Variants in MRPS28 observed in about 807,000 individuals in gnomAD.
MRPS28 encodes mitochondrial ribosomal protein S28.
In MRPS28, 7 loss-of-function variants were observed where a neutral mutation model predicts 10.8. The ratio of observed to expected loss-of-function variants is 0.65; its 90% confidence interval spans 0.37 to 1.22. MRPS28 has a LOEUF of 1.22. MRPS28 is among the 50% of genes most tolerant of loss of function. MRPS28 has a pLI of 0.02. For missense variants in MRPS28, 265 were observed against 232.9 expected (o/e 1.14, Z -0.90); for synonymous variants, 121 against 93.3 (o/e 1.30, Z -1.71).
At chr8:79,954,786 A>G (rs1490945686) in intron 2 of MRPS28, among the ~76,000 whole-genome samples, 1 of 152,148 alleles carries the variant, frequency 6.6e-6, no homozygotes, top group African/African-American at 2.4e-5. Flanking sequence ...TGTTGAAATA[A>G]ACCCTTCTCC....
At chr8:80,027,573 T>G (rs1809524011) in intron 1 of MRPS28, among the ~76,000 whole-genome samples, 1 of 152,212 alleles carries the variant, frequency 6.6e-6, no homozygotes, top group African/African-American at 2.4e-5. Flanking sequence ...TAAGTCTGAT[T>G]ATAGAGCCCA....
intron 2 of MRPS28, among the ~76,000 whole-genome samples, chr8:79,985,206 A>G (rs1357640839): frequency 6.6e-6 from 1 of 152,220 alleles, no homozygotes; most frequent in Non-Finnish European, 1.5e-5. Context: ...AGGCAGAAAT[A>G]AAGATGTTCT....
rs1368017323 is a variant in MRPS28 at position 79,934,904 on chromosome 8, T to C, written c.396-15756A>G. On this transcript the variant is annotated intron_variant, in intron 2 of 2. Coordinates refer to ENST00000276585, the MANE Select transcript of MRPS28 (RefSeq NM_014018.3). ...GTTCCATTTGAAAAGTGGTTACAGTTTTAACTTTACAGTCACAAACTCTTT... is the reference window on the plus strand; with the variant it reads ...GTTCCATTTGAAAAGTGGTTACAGTCTTAACTTTACAGTCACAAACTCTTT... Among the ~76,000 whole-genome samples the C allele has an allele frequency of 3.3e-5, 5 of 152,230 alleles. No individual in the cohort carries two copies. In the East Asian group the frequency reaches 9.6e-4, roughly 29 times the overall value.
At chr8:79,979,692 G>A (rs1175038433) in intron 2 of MRPS28, among the ~76,000 whole-genome samples, 1 of 151,346 alleles carries the variant, frequency 6.6e-6, no homozygotes, top group African/African-American at 2.4e-5. Flanking sequence ...CTCATCCCAG[G>A]TCTGCTTTTT....
chr8:79,928,787 C>T (rs946878084), intron 2 of MRPS28, among the ~76,000 whole-genome samples: 5 of 75,110 alleles, frequency 6.7e-5, no homozygotes, highest in Non-Finnish European at 1.3e-4. Context: ...TGGCTCACGC[C>T]TGTAATCCCA....
chr8:79,987,732 A>T (rs1808231723), intron 2 of MRPS28, among the ~76,000 whole-genome samples: 1 of 152,238 alleles, frequency 6.6e-6, no homozygotes, highest in African/African-American at 2.4e-5. Context: ...ATGAGATACC[A>T]TCTCACACGA....
At chr8:79,945,470 A>C (rs1806889071) in intron 2 of MRPS28, among the ~76,000 whole-genome samples, 1 of 152,208 alleles carries the variant, frequency 6.6e-6, no homozygotes, top group Non-Finnish European at 1.5e-5. Context: ...CAGAAGAAAG[A>C]GATTAGACCC....
At chr8:80,026,357 CTTAAAA>C (rs1400984975) in intron 1 of MRPS28, among the ~76,000 whole-genome samples, 7 of 152,198 alleles carry the variant, frequency 4.6e-5, no homozygotes, top group Non-Finnish European at 8.8e-5. Context: ...TCTTACTACT[CTTAAAA>C]TTATTTTTAC....
chr8:79,921,965 CTAAT>C (rs1810106862), intron 2 of MRPS28, among the ~76,000 whole-genome samples: 1 of 152,136 alleles, frequency 6.6e-6, no homozygotes, highest in African/African-American at 2.4e-5. Context: ...CCATCAATAC[CTAAT>C]TTATTGAGAG....
At chr8:79,991,909 G>GCGCTCTCT (rs1808372490) in intron 2 of MRPS28, among the ~76,000 whole-genome samples, 1 of 133,008 alleles carries the variant, frequency 7.5e-6, no homozygotes, top group Non-Finnish European at 1.6e-5. Flanking sequence ...CTTCCTCCTT[G>GCGCTCTCT]CTCTCTCTCT....
intron 2 of MRPS28, among the ~76,000 whole-genome samples, chr8:79,993,249 T>G (rs1359624461): frequency 6.6e-6 from 1 of 152,204 alleles, no homozygotes; most frequent in Non-Finnish European, 1.5e-5. Flanking sequence ...TTGCATTCCT[T>G]AACATGCAGC....
chr8:80,026,073 C>G (rs1809487102), intron 1 of MRPS28, among the ~76,000 whole-genome samples: 1 of 152,136 alleles, frequency 6.6e-6, no homozygotes, highest in African/African-American at 2.4e-5. Flanking sequence ...AATTTTCTTT[C>G]TAAAGTAACC....
At chr8:79,936,827 A>AT (rs900759888) in intron 2 of MRPS28, among the ~76,000 whole-genome samples, 1 of 152,062 alleles carries the variant, frequency 6.6e-6, no homozygotes, top group Non-Finnish European at 1.5e-5. Context: ...ATATTTCTCT[A>AT]TTTTTTAATA....
At chr8:79,925,105 C>A (rs1810196978) in intron 2 of MRPS28, among the ~76,000 whole-genome samples, 1 of 152,022 alleles carries the variant, frequency 6.6e-6, no homozygotes, top group Non-Finnish European at 1.5e-5. Flanking sequence ...TATTTCTAGT[C>A]ATCATTAAAA....
intron 2 of MRPS28, among the ~76,000 whole-genome samples, chr8:79,940,599 G>T (rs1180919856): frequency 6.6e-6 from 1 of 152,190 alleles, no homozygotes; most frequent in Non-Finnish European, 1.5e-5. Flanking sequence ...CTGCAAAGGT[G>T]GCTTGTAGCT....
At chr8:79,926,972 G>A (rs1204776502) in intron 2 of MRPS28, among the ~76,000 whole-genome samples, 1 of 152,176 alleles carries the variant, frequency 6.6e-6, no homozygotes, top group African/African-American at 2.4e-5. Context: ...ACTGATTAAT[G>A]CGTTCAGCAG....
intron 2 of MRPS28, among the ~76,000 whole-genome samples, chr8:79,993,534 A>AT (rs1404291521): frequency 2.6e-5 from 4 of 152,206 alleles, no homozygotes; most frequent in African/African-American, 7.2e-5. Context: ...TCTGAATTAC[A>AT]TGAGTTTCAT....
intron 2 of MRPS28, among the ~76,000 whole-genome samples, chr8:79,970,572 GA>G (rs1332990830): frequency 2.6e-5 from 4 of 152,138 alleles, no homozygotes; most frequent in Admixed American, 2.0e-4. Context: ...GTTAGACAAA[GA>G]CTTCTTCCAA....
At chr8:79,973,836 T>C (rs538155116) in intron 2 of MRPS28, among the ~76,000 whole-genome samples, 135 of 63,722 alleles carry the variant, frequency 2.1e-3, no homozygotes, top group Non-Finnish European at 3.7e-3. Flanking sequence ...AGGAATAAAT[T>C]AATAAAAAAA....
Sources: allele counts gnomAD v4.1 joint callset (sites outside exome capture counted in the v4.1 genomes callset), GRCh38; gene constraint gnomAD v4.1.1; transcripts MANE v1.5; gene names NCBI Gene and HGNC (gene_info 2026-07-23, HGNC 2026-07-21).